Variants in PITPNC1 observed in about 807,000 individuals in gnomAD.
PITPNC1 encodes the protein phosphatidylinositol transfer protein cytoplasmic 1, also known as cytoplasmic phosphatidylinositol transfer protein 1.
PITPNC1 carries 18 observed loss-of-function variants against 44.7 expected under a neutral mutation model. The ratio of observed to expected loss-of-function variants is 0.40; its 90% CI spans 0.28 to 0.60. PITPNC1 has a LOEUF of 0.60. Among genes scored for constraint, PITPNC1 ranks in the 20% least tolerant of loss-of-function variants. The probability of loss-of-function intolerance (pLI) is 0.39; values close to 1 mark genes in which losing one functional copy is unlikely to be tolerated. For missense variants in PITPNC1, 290 were observed against 418.4 expected, an observed-to-expected ratio of 0.69 and a Z score of 2.68; for synonymous variants, 141 against 149.6, an observed-to-expected ratio of 0.94 and a Z score of 0.42.
chr17:67,445,540 C>T (rs2039082166), intron 1 of PITPNC1, among the ~76,000 whole-genome samples: 1 of 141,780 alleles, frequency 7.1e-6, no homozygotes, highest in African/African-American at 2.5e-5. Context: ...AATGTACTTT[C>T]CTTGTTAACT....
chr17:67,442,146 C>G (rs1396060907), intron 1 of PITPNC1, among the ~76,000 whole-genome samples: 1 of 142,128 alleles, frequency 7.0e-6, no homozygotes, highest in Non-Finnish European at 1.5e-5. Context: ...TCATTTATTG[C>G]TATGTTGATT....
intron 1 of PITPNC1, among the ~76,000 whole-genome samples, chr17:67,458,589 C>A (rs7215210): frequency 0.12 from 18,828 of 152,046 alleles, 1,218 homozygotes; most frequent in Middle Eastern, 0.21. Context: ...CATTTTTTGT[C>A]TTTAACAGTC....
chr17:67,635,259 G>C (rs2042020053), intron 6 of PITPNC1, among the ~76,000 whole-genome samples: 1 of 152,144 alleles, frequency 6.6e-6, no homozygotes, highest in Admixed American at 6.6e-5. Flanking sequence ...GCGCTAGAGG[G>C]CTGGTGGCAG....
At chr17:67,463,237 G>T (rs2039370256) in intron 1 of PITPNC1, among the ~76,000 whole-genome samples, 1 of 152,208 alleles carries the variant, frequency 6.6e-6, no homozygotes. Context: ...AAACAGGAAT[G>T]AATATGGATG....
chr17:67,591,876 ATT>A (rs573013337), intron 5 of PITPNC1, among the ~76,000 whole-genome samples: 8 of 139,814 alleles, frequency 5.7e-5, no homozygotes, highest in South Asian at 2.3e-4. Context: ...TGCCCAGCTA[ATT>A]TTTTTTTTTT....
At chr17:67,460,201 G>A (rs2039315182) in intron 1 of PITPNC1, among the ~76,000 whole-genome samples, 1 of 152,116 alleles carries the variant, frequency 6.6e-6, no homozygotes, top group African/African-American at 2.4e-5. Flanking sequence ...GATTTTCCAT[G>A]CCTTCCGTGT....
intron 5 of PITPNC1, among the ~76,000 whole-genome samples, chr17:67,616,440 C>T (rs2041758657): frequency 6.6e-6 from 1 of 152,194 alleles, no homozygotes; most frequent in Admixed American, 6.5e-5. Context: ...CGTGCCCAGC[C>T]TCTGTCCTCT....
intron 2 of PITPNC1, among the ~76,000 whole-genome samples, chr17:67,550,097 G>A (rs1189000650): frequency 6.6e-6 from 1 of 152,202 alleles, no homozygotes; most frequent in Admixed American, 6.5e-5. Flanking sequence ...TACATCATCA[G>A]CGAAAGCTAT....
chr17:67,384,579 C>T (rs1163856051), intron 1 of PITPNC1, among the ~76,000 whole-genome samples: 1 of 152,220 alleles, frequency 6.6e-6, no homozygotes, highest in Non-Finnish European at 1.5e-5. Flanking sequence ...GCGCCCGCCA[C>T]TGCGCCCAGC....
At chr17:67,545,036 G>T (rs918510975) in intron 2 of PITPNC1, among the ~76,000 whole-genome samples, 1 of 152,192 alleles carries the variant, frequency 6.6e-6, no homozygotes, top group African/African-American at 2.4e-5. Context: ...TTGAGGCCGG[G>T]TGTGGTGGTT....
intron 1 of PITPNC1, chr17:67,378,981 C>G (rs1269863602): frequency 1.0e-6 from 1 of 985,248 alleles, no homozygotes; most frequent in African/African-American, 1.7e-5. Context: ...CCAAGCGCGG[C>G]TCTGCTGTCC....
In PITPNC1 at chr17:67,472,937, C is replaced by A. The variant is rs560118385; in HGVS notation, c.49-59865C>A. ...GTAGCCCAGGCTGGAGTGCAGTGGC[C>A]TGATCTCGGCTCACTGCAAGCTCTG... On this transcript the variant is annotated intron_variant, in intron 1 of 8. Coordinates refer to ENST00000581322, the MANE Select transcript of PITPNC1 (RefSeq NM_012417.4). Among the ~76,000 whole-genome samples, 546 of 150,738 alleles carry A rather than the reference C, an allele frequency of 3.6e-3. 9 individuals are homozygous for A. The highest frequency in any genetic ancestry group is 0.013 in the African/African-American group (532 of 41,030).
chr17:67,594,831 T>G (rs2041439660), intron 5 of PITPNC1, among the ~76,000 whole-genome samples: 1 of 152,208 alleles, frequency 6.6e-6, no homozygotes, highest in Non-Finnish European at 1.5e-5. Flanking sequence ...TGTGCCCCTG[T>G]CAAATGAGTA....
rs1160522771 is a variant in PITPNC1, at chr17:67,425,193, G to GCGCGCGCGCGCA, written c.48+46992_48+46993insGCGCGCGCGCAC. The stretch of plus-strand genomic sequence containing the variant: ...AAATAAACAGCCATGTTGTGCGCGC[G>GCGCGCGCGCGCA]CACGCACACGCACACACACACACAC... On this transcript the variant is annotated intron_variant, in intron 1 of 8. Coordinates refer to ENST00000581322, the MANE Select transcript of PITPNC1 (RefSeq NM_012417.4). 1.2e-3 allele frequency among the ~76,000 whole-genome samples: 62 copies of GCGCGCGCGCGCA among 52,106 alleles called. 5 individuals carry two copies. The highest frequency in any genetic ancestry group is 5.5e-3 in the East Asian group (10 of 1,802). The allele number at this position is 52,106 out of a possible 152,430, so 34.2% of individuals were successfully genotyped here. A position where few individuals can be genotyped will look rare whatever the true frequency, so the allele number is the denominator to read the frequency against.
At chr17:67,652,641 C>T (rs1240253880) in intron 6 of PITPNC1, among the ~76,000 whole-genome samples, 8 of 152,230 alleles carry the variant, frequency 5.3e-5, no homozygotes, top group Admixed American at 5.2e-4. Context: ...ACGCGTTCCC[C>T]ACCAGCCAGC....
chr17:67,406,042 A>G (rs1598622872), intron 1 of PITPNC1, among the ~76,000 whole-genome samples: 1 of 152,174 alleles, frequency 6.6e-6, no homozygotes, highest in East Asian at 1.9e-4. Context: ...ACATGCCACA[A>G]AATTCATTCT....
rs112739033 is a variant in PITPNC1 at position 67,441,044 on chromosome 17, C to T, written c.48+62842C>T. 5.6e-3 allele frequency among the ~76,000 whole-genome samples: 855 copies of T among 152,248 alleles called. 7 individuals are homozygous for T. Among genetic ancestry groups the T allele is most frequent in the Admixed American group, 0.012 (180 of 15,268 alleles). On this transcript the variant is annotated intron_variant, in intron 1 of 8. Coordinates refer to ENST00000581322, the MANE Select transcript of PITPNC1 (RefSeq NM_012417.4). Reference sequence around the variant, plus strand: ...TCTTGGGTGCATCTGTCAGGGTTAACCTGGCTTTGTTTTTAACTTTACAGG... The same window carrying T: ...TCTTGGGTGCATCTGTCAGGGTTAATCTGGCTTTGTTTTTAACTTTACAGG...
chr17:67,511,164 G>T (rs2040180067), intron 1 of PITPNC1, among the ~76,000 whole-genome samples: 1 of 151,920 alleles, frequency 6.6e-6, no homozygotes, highest in Non-Finnish European at 1.5e-5. Flanking sequence ...TTTCCATCTT[G>T]GCAAGGAGAG....
In PITPNC1 at chr17:67,409,185, C is replaced by T. The variant is rs376424693; in HGVS notation, c.48+30983C>T. Among the ~76,000 whole-genome samples, 1,152 of 147,434 alleles carry T rather than the reference C, an allele frequency of 7.8e-3. 8 individuals are homozygous for T. The highest frequency in any genetic ancestry group is 0.027 in the African/African-American group (1,068 of 40,196). On this transcript the variant is annotated intron_variant, in intron 1 of 8. Transcript: ENST00000581322. ...CTGCAAGCTCCGCTTCCCGGGTTCA[C>T]GCCATTCTCCTGCCTCAGCCTCCCG... is the stretch of plus-strand genomic sequence containing the variant.
Sources: allele counts gnomAD v4.1 joint callset (sites outside exome capture counted in the v4.1 genomes callset), GRCh38; gene constraint gnomAD v4.1.1; transcripts MANE v1.5; gene names NCBI Gene and HGNC (gene_info 2026-07-23, HGNC 2026-07-21).